B3GAT2: variants seen among roughly 807,000 people sequenced by gnomAD.
B3GAT2 encodes beta-1,3-glucuronyltransferase 2, also known as galactosylgalactosylxylosylprotein 3-beta-glucuronosyltransferase 2.
Under a neutral mutation model 27.8 loss-of-function variants are expected in B3GAT2, and 26 were observed. That is an observed-to-expected ratio of 0.93 (90% CI 0.68 to 1.30). The LOEUF (loss-of-function observed/expected upper bound fraction) is 1.30. B3GAT2 is among the 50% of genes most tolerant of loss of function. The pLI is 0.00. For synonymous variants in B3GAT2, 218 were observed against 195.1 expected, an observed-to-expected ratio of 1.12 and a Z score of -0.98; for missense variants, 458 against 459.0, an observed-to-expected ratio of 1.00 and a Z score of 0.02.
intron 1 of B3GAT2, among the ~76,000 whole-genome samples, chr6:70,924,649 G>T (rs1772923990): frequency 6.6e-6 from 1 of 152,148 alleles, no homozygotes; most frequent in Admixed American, 6.5e-5. Context: ...TTATGACAGT[G>T]AAGGAGATCT....
chr6:70,866,722 C>T (rs1410197047), intron 2 of B3GAT2, among the ~76,000 whole-genome samples: 2 of 151,930 alleles, frequency 1.3e-5, no homozygotes, highest in African/African-American at 4.8e-5. Context: ...ATGAGGGAGA[C>T]AGGGAAAAAA....
intron 1 of B3GAT2, among the ~76,000 whole-genome samples, chr6:70,902,804 C>A (rs906818227): frequency 6.6e-6 from 1 of 151,834 alleles, no homozygotes; most frequent in African/African-American, 2.4e-5. Context: ...AACACAAATA[C>A]CAATGGTCTC....
chr6:70,931,200 G>A (rs1267364833), intron 1 of B3GAT2, among the ~76,000 whole-genome samples: 1 of 152,016 alleles, frequency 6.6e-6, no homozygotes, highest in Non-Finnish European at 1.5e-5. Context: ...GGGGGGAGGG[G>A]GAAGGGATAG....
At chr6:70,927,863 C>T (rs1164447307) in intron 1 of B3GAT2, among the ~76,000 whole-genome samples, 2 of 152,146 alleles carry the variant, frequency 1.3e-5, no homozygotes, top group Non-Finnish European at 1.5e-5. Context: ...AACTCTCCAC[C>T]CAAAATTAAC....
chr6:70,946,979 C>G (rs961568768), intron 1 of B3GAT2, among the ~76,000 whole-genome samples: 2 of 152,150 alleles, frequency 1.3e-5, no homozygotes, highest in African/African-American at 4.8e-5. Context: ...TCCTGAATGA[C>G]TACTGGGTAC....
At chr6:70,918,170 T>C (rs894787210) in intron 1 of B3GAT2, among the ~76,000 whole-genome samples, 1 of 152,192 alleles carries the variant, frequency 6.6e-6, no homozygotes, top group African/African-American at 2.4e-5. Flanking sequence ...GCCTTCTTTG[T>C]CTCTTTTGAT....
At chr6:70,902,391 G>GT (rs1772515324) in intron 1 of B3GAT2, among the ~76,000 whole-genome samples, 1 of 151,928 alleles carries the variant, frequency 6.6e-6, no homozygotes, top group Non-Finnish European at 1.5e-5. Flanking sequence ...TGGTAGAAAT[G>GT]TAAATTGGCA....
chr6:70,927,398 C>A (rs1426910956), intron 1 of B3GAT2, among the ~76,000 whole-genome samples: 1 of 152,126 alleles, frequency 6.6e-6, no homozygotes, highest in Admixed American at 6.5e-5. Flanking sequence ...GATAAAGAGT[C>A]AAGACCCATC....
Position 70,861,481 on chromosome 6 carries a change from C to A in B3GAT2, c.*182G>T. 1 of 594,764 alleles carries A rather than the reference C, an allele frequency of 1.7e-6. No homozygotes were observed. Among genetic ancestry groups the A allele is most frequent in the South Asian group, 2.2e-5 (1 of 45,380 alleles). The allele number at this position is 594,764 out of a possible 1,614,324, so 36.8% of individuals were successfully genotyped here. A position where few individuals can be genotyped will look rare whatever the true frequency, so the allele number is the denominator to read the frequency against. On this transcript the variant is annotated 3_prime_UTR_variant, in exon 4 of 4. Transcript: ENST00000230053. ...AGACAAAACATACATTTTGTACCAA[C>A]CATCCAATTAGCTTATGTTAACTGA...
intron 2 of B3GAT2, among the ~76,000 whole-genome samples, chr6:70,875,209 G>A (rs1380460207): frequency 6.6e-6 from 1 of 151,782 alleles, no homozygotes; most frequent in Non-Finnish European, 1.5e-5. Context: ...GGTAAGTATA[G>A]AAGAAAAACA....
At chr6:70,923,649 G>T (rs1428114522) in intron 1 of B3GAT2, among the ~76,000 whole-genome samples, 1 of 152,158 alleles carries the variant, frequency 6.6e-6, no homozygotes, top group African/African-American at 2.4e-5. Context: ...GGGCGACAGA[G>T]TCAGACCCTG....
At chr6:70,905,294 T>C (rs554788649) in intron 1 of B3GAT2, among the ~76,000 whole-genome samples, 2 of 152,294 alleles carry the variant, frequency 1.3e-5, no homozygotes, top group East Asian at 3.9e-4. Context: ...CCACCAATGT[T>C]AAAATGCATT....
chr6:70,954,608 T>C (rs2150054407), intron 1 of B3GAT2, among the ~76,000 whole-genome samples: 1 of 152,190 alleles, frequency 6.6e-6, no homozygotes, highest in Non-Finnish European at 1.5e-5. Flanking sequence ...GACACACAGA[T>C]TATTTTAGCA....
At position 70,923,937 on chromosome 6, in the gene B3GAT2, G is replaced by A. The variant is rs113204568; in HGVS notation, c.592-29665C>T. 9.3e-3 allele frequency among the ~76,000 whole-genome samples: 1,417 copies of A among 152,100 alleles called. 11 individuals are homozygous for A. Among genetic ancestry groups the A allele is most frequent in the Middle Eastern group, 0.048 (14 of 294 alleles). On this transcript the variant is annotated intron_variant, in intron 1 of 3. Coordinates refer to ENST00000230053, the MANE Select transcript of B3GAT2 (RefSeq NM_080742.3). ...TCTCAGTCCTGGATTTTTTAGTTCT[G>A]TTAGTAGTATCTGACATTTTTCAGA...
At chr6:70,923,372 C>T (rs1359676246) in intron 1 of B3GAT2, among the ~76,000 whole-genome samples, 1 of 152,036 alleles carries the variant, frequency 6.6e-6, no homozygotes, top group African/African-American at 2.4e-5. Context: ...AAACAAGAAC[C>T]AAGTCACTTA....
chr6:70,879,783 AAG>A (rs1212912102), intron 2 of B3GAT2, among the ~76,000 whole-genome samples: 2 of 152,078 alleles, frequency 1.3e-5, no homozygotes, highest in South Asian at 4.1e-4. Flanking sequence ...GGGTTGAGGA[AAG>A]AGCCTTCCAG....
In B3GAT2 at chr6:70,857,638, T is replaced by C. The variant is rs1489483855; in HGVS notation, c.*4025A>G. 1 of 417,364 alleles carries C rather than the reference T, an allele frequency of 2.4e-6. No homozygotes were observed. Among genetic ancestry groups the C allele is most frequent in the African/African-American group, 2.0e-5 (1 of 49,626 alleles). 25.9% of individuals were successfully genotyped at this position (417,364 alleles called of 1,614,324 possible). A position where few individuals can be genotyped will look rare whatever the true frequency, so the allele number is the denominator to read the frequency against. On this transcript the variant is annotated 3_prime_UTR_variant, in exon 4 of 4. Transcript: ENST00000230053. ...AATAAAACAGTGTATGATGTCATGC[T>C]ACATAGTTTGGTCTTCACAGTGGAA...
At position 70,937,299 on chromosome 6, in the gene B3GAT2, T is replaced by G. The variant is rs555989467; in HGVS notation, c.591+18540A>C. Among the ~76,000 whole-genome samples the G allele has an allele frequency of 6.0e-3, 904 of 150,786 alleles. 11 individuals are homozygous for G. The East Asian group carries it at 0.084, about 14-fold the overall frequency. On this transcript the variant is annotated intron_variant, in intron 1 of 3. Coordinates refer to ENST00000230053, the MANE Select transcript of B3GAT2 (RefSeq NM_080742.3). ...AAAAAGAGTCCAGGACCAGATGGAT[T>G]CACAGCCGAATTCTACCAGAGGTAC...
At chr6:70,929,546 C>T (rs1003025341) in intron 1 of B3GAT2, among the ~76,000 whole-genome samples, 5 of 152,096 alleles carry the variant, frequency 3.3e-5, no homozygotes, top group Non-Finnish European at 4.4e-5. Flanking sequence ...CTTTCCTATA[C>T]ACCAAAAACA....
Sources: allele counts gnomAD v4.1 joint callset (sites outside exome capture counted in the v4.1 genomes callset), GRCh38; gene constraint gnomAD v4.1.1; transcripts MANE v1.5; gene names NCBI Gene and HGNC (gene_info 2026-07-23, HGNC 2026-07-21).